Variants in GAK observed in about 807,000 individuals in gnomAD.
GAK encodes cyclin G associated kinase.
GAK carries 79 observed loss-of-function variants against 143.9 expected under a neutral mutation model. That is an observed-to-expected ratio of 0.55 (90% CI 0.46 to 0.66). GAK has a LOEUF of 0.66. GAK is among the 30% of genes least tolerant of loss of function. The pLI, the probability that GAK is intolerant of heterozygous loss-of-function variation, is 0.00. For synonymous variants in GAK, 881 were observed against 765.5 expected, an observed-to-expected ratio of 1.15 and a Z score of -2.49; for missense variants, 1,693 against 1,779.7, an observed-to-expected ratio of 0.95 and a Z score of 0.88.
intron 1 of GAK, among the ~76,000 whole-genome samples, chr4:916,947 C>G (rs1723168637): frequency 6.6e-6 from 1 of 152,228 alleles, no homozygotes; most frequent in Non-Finnish European, 1.5e-5. Context: ...TGTCCATCAA[C>G]AGGTGAATGA....
At chr4:924,761 C>T (rs2152973242) in intron 1 of GAK, among the ~76,000 whole-genome samples, 1 of 152,042 alleles carries the variant, frequency 6.6e-6, no homozygotes, top group East Asian at 1.9e-4. Context: ...TGTGGAGTTC[C>T]TCCCGGGGCT....
intron 7 of GAK, 49 bp downstream of exon 7, chr4:896,411 G>A (rs1560387106): frequency 2.6e-6 from 4 of 1,512,130 alleles, no homozygotes; most frequent in Middle Eastern, 2.1e-4. Flanking sequence ...CTCAGGTTAA[G>A]TAGGGCGCAC....
intron 23 of GAK, among the ~76,000 whole-genome samples, chr4:861,518 G>A (rs916663260): frequency 6.6e-6 from 1 of 152,134 alleles, no homozygotes; most frequent in East Asian, 1.9e-4. Flanking sequence ...TTGAGCTCAG[G>A]AGGTTGAGGC....
intron 19 of GAK, 101 bp from the exon 20 acceptor site, chr4:868,786 C>T (rs987271254): frequency 1.4e-5 from 18 of 1,248,606 alleles, no homozygotes; most frequent in Admixed American, 1.2e-4. Flanking sequence ...GCGCCAGCAC[C>T]GTGGCAGGCC....
At chr4:871,071 A>G (rs1279963217) in intron 18 of GAK, among the ~76,000 whole-genome samples, 167 bp from the exon 19 acceptor site, 2 of 152,206 alleles carry the variant, frequency 1.3e-5, no homozygotes, top group Admixed American at 6.5e-5. Context: ...GAGCCCTGTG[A>G]GCTGACCCAG....
rs1456508448 is a variant in GAK, at chr4:870,613, C to T, written c.2248+98G>A. 1.7e-5 allele frequency: 22 copies of T among 1,285,554 alleles called. 1 individual carries two copies. The Middle Eastern group carries it at 1.3e-3, about 78-fold the overall frequency. The allele number at this position is 1,285,554 out of a possible 1,614,324, so 79.6% of individuals were successfully genotyped here. ...CTCAGGGCCTGGGTGCAGCAGCAGG[C>T]GTGGGGCCCAGCCCTGCCAGAGCTC... On this transcript the variant is annotated intron_variant, in intron 19 of 27. Coordinates refer to ENST00000314167, the MANE Select transcript of GAK (RefSeq NM_005255.4).
At chr4:881,870 C>T in intron 15 of GAK, 37 bp downstream of exon 15, 1 of 1,538,270 alleles carries the variant, frequency 6.5e-7, no homozygotes, top group Non-Finnish European at 8.8e-7. Flanking sequence ...CACGGGCCCA[C>T]AGAGCTGTCC....
chr4:913,504 G>C (rs1722398020), intron 2 of GAK, 103 bp downstream of exon 2: 1 of 916,896 alleles, frequency 1.1e-6, no homozygotes, highest in African/African-American at 1.6e-5. Context: ...GGCTGTAAAA[G>C]GAAACAAAGT....
chr4:885,423 G>A (rs558530995), intron 11 of GAK, among the ~76,000 whole-genome samples: 1 of 152,320 alleles, frequency 6.6e-6, no homozygotes, highest in Admixed American at 6.5e-5. Flanking sequence ...CTGTACCACG[G>A]CAGGCAGCGG....
chr4:850,517 G>A (rs1165185077), intron 26 of GAK: 6 of 191,596 alleles, frequency 3.1e-5, no homozygotes, highest in Non-Finnish European at 5.4e-5. Context: ...CAGCCTGACC[G>A]CTGCATCCTC....
At chr4:912,230 C>T in intron 3 of GAK, 1 of 446,150 alleles carries the variant, frequency 2.2e-6, no homozygotes, top group South Asian at 1.6e-5. Flanking sequence ...AGACTCCAGG[C>T]TCAGGAGGGA....
At chr4:900,100 A>C (rs1169426265) in intron 5 of GAK, among the ~76,000 whole-genome samples, 1 of 152,260 alleles carries the variant, frequency 6.6e-6, no homozygotes, top group African/African-American at 2.4e-5. Context: ...ACGGCCACTG[A>C]AGGCCCAGGA....
At chr4:851,194 CTCAAG>C (rs1748079870) in intron 25 of GAK, 110 bp from the exon 26 acceptor site, 6 of 897,736 alleles carry the variant, frequency 6.7e-6, no homozygotes, top group Non-Finnish European at 8.4e-6. Flanking sequence ...GCCTCCCGGC[CTCAAG>C]CGATCCTCTT....
intron 19 of GAK, chr4:869,926 T>A (rs1029991659): frequency 7.0e-6 from 1 of 143,648 alleles, no homozygotes; most frequent in African/African-American, 2.7e-5. Context: ...GGATGCACAG[T>A]ACACATGCAT....
At chr4:865,540 C>T (rs573941002) in intron 22 of GAK, among the ~76,000 whole-genome samples, 8 of 152,326 alleles carry the variant, frequency 5.3e-5, no homozygotes, top group East Asian at 1.9e-4. Flanking sequence ...CACTTTCTGC[C>T]GCCATCCCCA....
At chr4:917,351 C>A (rs139488741) in intron 1 of GAK, among the ~76,000 whole-genome samples, 4,507 of 142,380 alleles carry the variant, frequency 0.032, 98 homozygotes, top group South Asian at 0.097. Flanking sequence ...AGAGTACATA[C>A]ACACACATAC....
intron 1 of GAK, among the ~76,000 whole-genome samples, chr4:915,345 A>G (rs1722952490): frequency 6.6e-6 from 1 of 152,246 alleles, no homozygotes; most frequent in African/African-American, 2.4e-5. Context: ...GGAAAAACAA[A>G]ACCACAAGCA....
At chr4:877,538 G>A (rs1276225670) in intron 16 of GAK, 77 bp downstream of exon 16, 2 of 1,441,662 alleles carry the variant, frequency 1.4e-6, no homozygotes, top group African/African-American at 2.8e-5. Context: ...TCCCCGGCAA[G>A]GCCAGGGTTC....
At chr4:860,653 G>A (rs866487123) in intron 23 of GAK, among the ~76,000 whole-genome samples, 16 of 152,278 alleles carry the variant, frequency 1.1e-4, no homozygotes, top group African/African-American at 3.6e-4. Flanking sequence ...ACGTCCTGAA[G>A]CGCACTTGAG....
Sources: allele counts gnomAD v4.1 joint callset (sites outside exome capture counted in the v4.1 genomes callset), GRCh38; gene constraint gnomAD v4.1.1; transcripts MANE v1.5; gene names NCBI Gene and HGNC (gene_info 2026-07-23, HGNC 2026-07-21).